The following FAR2 variants were observed in gnomAD, a reference collection of about 807,000 sequenced individuals.
FAR2 encodes epididymis secretory protein Li 81.
FAR2 carries 19 observed loss-of-function variants against 56.0 expected under a neutral mutation model. The observed-to-expected ratio is 0.34, with a 90% confidence interval of 0.24 to 0.50. The LOEUF (loss-of-function observed/expected upper bound fraction) is 0.50, where lower values mean the gene tolerates loss of function less well. Ranked by LOEUF, FAR2 falls within the 20% of genes least tolerant of loss-of-function variation. FAR2 has a pLI of 0.98. For synonymous variants in FAR2, 219 were observed against 218.8 expected, an observed-to-expected ratio of 1.00 and a Z score of -0.01; for missense variants, 508 against 642.2, an observed-to-expected ratio of 0.79 and a Z score of 2.26.
intron 1 of FAR2, among the ~76,000 whole-genome samples, chr12:29,155,411 A>C (rs1949718249): frequency 6.6e-6 from 1 of 152,254 alleles, no homozygotes; most frequent in African/African-American, 2.4e-5. Context: ...ACTTATGGCC[A>C]AAGAACAGTG....
intron 1 of FAR2, among the ~76,000 whole-genome samples, chr12:29,231,791 T>G (rs191518407): frequency 7.2e-5 from 11 of 152,280 alleles, no homozygotes; most frequent in Admixed American, 3.3e-4. Context: ...GCAAACATAA[T>G]GTACACCTAC....
intron 1 of FAR2, among the ~76,000 whole-genome samples, chr12:29,198,470 G>T (rs1233750006): frequency 2.0e-5 from 3 of 151,990 alleles, no homozygotes; most frequent in Non-Finnish European, 4.4e-5. Context: ...CTCTTGATCC[G>T]CCTGCCTCGG....
chr12:29,207,540 G>GCTTTCA (rs1306905766), intron 1 of FAR2, among the ~76,000 whole-genome samples: 12 of 152,178 alleles, frequency 7.9e-5, no homozygotes, highest in African/African-American at 2.9e-4. Flanking sequence ...AATTACGGAT[G>GCTTTCA]CTTTCACTAC....
intron 10 of FAR2, among the ~76,000 whole-genome samples, chr12:29,324,666 G>A (rs1949614167): frequency 6.6e-6 from 1 of 152,164 alleles, no homozygotes; most frequent in East Asian, 1.9e-4. Context: ...ATAAGTGAAG[G>A]AGAAATAAAA....
intron 1 of FAR2, among the ~76,000 whole-genome samples, chr12:29,202,715 C>A (rs112256931): frequency 6.6e-6 from 1 of 152,134 alleles, no homozygotes; most frequent in African/African-American, 2.4e-5. Context: ...AGCCTGGAAC[C>A]TCCTTCCCTC....
chr12:29,303,862 A>C (rs1234033541), intron 4 of FAR2, among the ~76,000 whole-genome samples: 1 of 152,230 alleles, frequency 6.6e-6, no homozygotes, highest in Non-Finnish European at 1.5e-5. Flanking sequence ...AAACCAGAAT[A>C]AGATTAAATT....
At chr12:29,234,052 C>T (rs1050908945) in intron 1 of FAR2, among the ~76,000 whole-genome samples, 7 of 152,122 alleles carry the variant, frequency 4.6e-5, no homozygotes, top group Non-Finnish European at 1.0e-4. Context: ...CTTGCTTTCT[C>T]CTCTATGTTC....
chr12:29,162,423 A>T (rs1402227755), intron 1 of FAR2, among the ~76,000 whole-genome samples: 1 of 152,226 alleles, frequency 6.6e-6, no homozygotes, highest in African/African-American at 2.4e-5. Flanking sequence ...AACATATCTC[A>T]CTATAATGAC....
At chr12:29,204,324 C>A (rs1947454444) in intron 1 of FAR2, among the ~76,000 whole-genome samples, 1 of 151,798 alleles carries the variant, frequency 6.6e-6, no homozygotes, top group South Asian at 2.1e-4. Context: ...GGATGATATT[C>A]TAATGGGGTG....
chr12:29,278,364 TG>T (rs1948733959), intron 2 of FAR2, among the ~76,000 whole-genome samples: 1 of 152,130 alleles, frequency 6.6e-6, no homozygotes. Context: ...TTCTGAGACA[TG>T]GTCTCACTCT....
At chr12:29,221,618 A>C (rs894304556) in intron 1 of FAR2, among the ~76,000 whole-genome samples, 40 of 151,116 alleles carry the variant, frequency 2.6e-4, no homozygotes, top group Non-Finnish European at 5.7e-4. Flanking sequence ...AAATTATTTT[A>C]GACACTTTAT....
intron 3 of FAR2, 91 bp downstream of exon 3, chr12:29,293,566 A>G: frequency 8.3e-7 from 1 of 1,210,362 alleles, no homozygotes; most frequent in South Asian, 2.6e-5. Context: ...AATACACTCT[A>G]AACAAAAAAG....
At chr12:29,290,120 G>C (rs535605809) in intron 2 of FAR2, among the ~76,000 whole-genome samples, 1 of 152,258 alleles carries the variant, frequency 6.6e-6, no homozygotes, top group East Asian at 1.9e-4. Flanking sequence ...CCACTACGGA[G>C]AACAGTTTGC....
At chr12:29,170,221 A>G (rs973607912) in intron 1 of FAR2, among the ~76,000 whole-genome samples, 2 of 152,232 alleles carry the variant, frequency 1.3e-5, no homozygotes, top group Non-Finnish European at 2.9e-5. Flanking sequence ...CATTTACTGA[A>G]TACCCATTGT....
chr12:29,216,136 G>C (rs1349260784), intron 1 of FAR2, among the ~76,000 whole-genome samples: 1 of 152,182 alleles, frequency 6.6e-6, no homozygotes, highest in African/African-American at 2.4e-5. Flanking sequence ...ACAATTTCCA[G>C]AGTGTTAGGA....
At chr12:29,231,153 G>C (rs182097101) in intron 1 of FAR2, among the ~76,000 whole-genome samples, 3 of 152,324 alleles carry the variant, frequency 2.0e-5, no homozygotes, top group Non-Finnish European at 4.4e-5. Context: ...CGAGTTTGGA[G>C]TTGGGGATTG....
chr12:29,332,791 A>G lies in FAR2; in HGVS notation c.1385+64A>G, dbSNP rs79634193. ...ACTGTGCATCGACTTTATACCAGAC[A>G]TAACATTTGTGCAGAGGAGAATGAA... On this transcript the variant is annotated intron_variant, in intron 11 of 11. Transcript: ENST00000536681. The G allele has an allele frequency of 6.3e-4, 910 of 1,454,296 alleles. 2 individuals carry two copies. The African/African-American group carries it at 0.011, about 18-fold the overall frequency. The allele number at this position is 1,454,296 out of a possible 1,614,324, so 90.1% of individuals were successfully genotyped here. A position where few individuals can be genotyped will look rare whatever the true frequency, so the allele number is the denominator to read the frequency against.
At chr12:29,201,972 G>A (rs1449567044) in intron 1 of FAR2, among the ~76,000 whole-genome samples, 3 of 152,010 alleles carry the variant, frequency 2.0e-5, no homozygotes, top group Non-Finnish European at 4.4e-5. Context: ...ATGACTCTCA[G>A]GAAATAAGTG....
chr12:29,154,596 G>T (rs1949710917), intron 1 of FAR2, among the ~76,000 whole-genome samples: 1 of 151,928 alleles, frequency 6.6e-6, no homozygotes, highest in African/African-American at 2.4e-5. Context: ...CACCACGCCT[G>T]GCTAATTTTT....
Sources: allele counts gnomAD v4.1 joint callset (sites outside exome capture counted in the v4.1 genomes callset), GRCh38; gene constraint gnomAD v4.1.1; transcripts MANE v1.5; gene names NCBI Gene and HGNC (gene_info 2026-07-23, HGNC 2026-07-21).